AUTS2: variants seen among roughly 807,000 people sequenced by gnomAD.
AUTS2 encodes autism susceptibility gene 2 protein.
Under a neutral mutation model 112.4 loss-of-function variants are expected in AUTS2, and 17 were observed. The observed-to-expected ratio is 0.15, with a 90% CI of 0.10 to 0.23. The LOEUF is 0.23. Ranked by LOEUF, AUTS2 falls within the 10% of genes least tolerant of loss-of-function variation. The pLI is 1.00. For synonymous variants in AUTS2, 751 were observed against 702.7 expected (o/e 1.07, Z -1.09); for missense variants, 1,510 against 1,701.6 (o/e 0.89, Z 1.98).
At chr7:70,019,099 A>G (rs1305470327) in intron 2 of AUTS2, among the ~76,000 whole-genome samples, 1 of 152,220 alleles carries the variant, frequency 6.6e-6, no homozygotes, top group Non-Finnish European at 1.5e-5. Context: ...GAATGAGGTC[A>G]TGTCCTTTGC....
chr7:70,744,839 T>C (rs893606745), intron 6 of AUTS2, among the ~76,000 whole-genome samples: 2 of 152,084 alleles, frequency 1.3e-5, no homozygotes, highest in African/African-American at 4.8e-5. Flanking sequence ...ACCTCTCTCA[T>C]GTGTACAGGG....
intron 1 of AUTS2, among the ~76,000 whole-genome samples, chr7:69,648,464 A>C (rs1273951034): frequency 6.6e-6 from 1 of 151,916 alleles, no homozygotes; most frequent in Non-Finnish European, 1.5e-5. Flanking sequence ...TAAAAAAAAA[A>C]AAAACTCCAC....
At chr7:70,382,960 T>A (rs1431185060) in intron 4 of AUTS2, among the ~76,000 whole-genome samples, 1 of 152,194 alleles carries the variant, frequency 6.6e-6, no homozygotes, top group Non-Finnish European at 1.5e-5. Flanking sequence ...TCCCTCTAGA[T>A]GTTTCTTTGT....
chr7:70,731,304 G>T (rs7794753), intron 6 of AUTS2, among the ~76,000 whole-genome samples: 1 of 150,196 alleles, frequency 6.7e-6, no homozygotes. Context: ...TCCAAATGAC[G>T]GTCAAGAAGA....
At chr7:70,105,017 G>A (rs151311967) in intron 2 of AUTS2, among the ~76,000 whole-genome samples, 2,313 of 152,258 alleles carry the variant, frequency 0.015, 22 homozygotes, top group Middle Eastern at 0.037. Context: ...GACAGCTTAC[G>A]TTTTTAACTC....
intron 1 of AUTS2, among the ~76,000 whole-genome samples, chr7:69,705,560 C>T (rs993301906): frequency 3.9e-5 from 6 of 152,148 alleles, no homozygotes; most frequent in East Asian, 3.9e-4. Flanking sequence ...CACCTAGGGA[C>T]GGCCTGACTG....
chr7:69,906,546 C>CGGT (rs1795155861), intron 2 of AUTS2, among the ~76,000 whole-genome samples: 1 of 152,168 alleles, frequency 6.6e-6, no homozygotes, highest in African/African-American at 2.4e-5. Flanking sequence ...TGCAGTCTTT[C>CGGT]GGTGACATCT....
chr7:69,670,161 C>G (rs1033756815), intron 1 of AUTS2, among the ~76,000 whole-genome samples: 1 of 152,122 alleles, frequency 6.6e-6, no homozygotes, highest in Non-Finnish European at 1.5e-5. Flanking sequence ...GAATTCAGAA[C>G]TTGGTGAGCA....
chr7:70,494,226 A>C lies in AUTS2; in HGVS notation c.690+58445A>C, dbSNP rs911292478. On this transcript the variant is annotated intron_variant, in intron 5 of 18. Transcript: ENST00000342771. ...GCTAAGAAGCTTGGATTTTCAAAGA[A>C]ACAGATATCAAATTGAGAAATCTCT... Among the ~76,000 whole-genome samples, 3 of 152,332 alleles carry C rather than the reference A, an allele frequency of 2.0e-5. No homozygotes were observed. In the East Asian group the frequency reaches 5.8e-4, roughly 29 times the overall value.
intron 3 of AUTS2, among the ~76,000 whole-genome samples, chr7:70,123,773 C>T (rs183548643): frequency 4.5e-4 from 68 of 152,088 alleles, no homozygotes; most frequent in Admixed American, 6.5e-4. Context: ...AGGTGTAGCC[C>T]GTGTATTTGC....
chr7:70,359,120 GC>G (rs753964511), intron 4 of AUTS2, among the ~76,000 whole-genome samples: 62 of 152,366 alleles, frequency 4.1e-4, no homozygotes, highest in Non-Finnish European at 6.9e-4. Context: ...GAAAATTGCA[GC>G]TGAAGGACCA....
intron 1 of AUTS2, among the ~76,000 whole-genome samples, chr7:69,716,080 C>A (rs1019159661): frequency 2.6e-5 from 4 of 152,082 alleles, no homozygotes; most frequent in African/African-American, 9.7e-5. Context: ...TTCTTGGGGA[C>A]CCTGAGTTTC....
intron 4 of AUTS2, among the ~76,000 whole-genome samples, chr7:70,390,076 A>T (rs1793785986): frequency 6.6e-6 from 1 of 152,234 alleles, no homozygotes; most frequent in African/African-American, 2.4e-5. Flanking sequence ...GATTCATTCA[A>T]GAGTTCACAA....
intron 2 of AUTS2, among the ~76,000 whole-genome samples, chr7:69,943,741 GGTAT>G (rs1354135194): frequency 1.3e-5 from 2 of 152,120 alleles, no homozygotes; most frequent in African/African-American, 4.8e-5. Context: ...TATAAAAATA[GGTAT>G]GTATGTAAGT....
At chr7:69,760,887 G>T (rs1788158330) in intron 1 of AUTS2, among the ~76,000 whole-genome samples, 1 of 152,158 alleles carries the variant, frequency 6.6e-6, no homozygotes. Context: ...ATATCAGTAA[G>T]AAAATATGTT....
intron 2 of AUTS2, among the ~76,000 whole-genome samples, chr7:69,981,962 G>C (rs999697966): frequency 1.3e-5 from 2 of 152,084 alleles, no homozygotes; most frequent in African/African-American, 4.8e-5. Context: ...ATGAGTTTTT[G>C]TCTGTTTTTG....
intron 6 of AUTS2, among the ~76,000 whole-genome samples, chr7:70,704,436 G>T (rs1360966966): frequency 6.6e-6 from 1 of 152,222 alleles, no homozygotes; most frequent in African/African-American, 2.4e-5. Flanking sequence ...TTTGAGCTCA[G>T]TGGAAAGCCC....
intron 5 of AUTS2, among the ~76,000 whole-genome samples, chr7:70,477,870 C>T (rs1797640911): frequency 3.1e-5 from 1 of 32,586 alleles, no homozygotes; most frequent in Admixed American, 2.4e-4. Context: ...TCCACCCATT[C>T]ACCAAAGATG....
At chr7:70,219,020 AG>A (rs1222592939) in intron 4 of AUTS2, among the ~76,000 whole-genome samples, 1 of 152,206 alleles carries the variant, frequency 6.6e-6, no homozygotes, top group African/African-American at 2.4e-5. Context: ...TATTTTTAAC[AG>A]AGTAAACAGT....
Sources: gnomAD v4.1 joint callset for allele counts (sites outside exome capture counted in the v4.1 genomes callset) on GRCh38, gnomAD v4.1.1 for gene constraint, MANE v1.5 for transcripts, NCBI Gene and HGNC (gene_info 2026-07-23, HGNC 2026-07-21) for gene names.